PARD3B: variants seen among roughly 807,000 people sequenced by gnomAD.
PARD3B encodes the protein par-3 family cell polarity regulator beta, also known as partitioning defective 3 homolog B.
In PARD3B, 103 loss-of-function variants were observed where a neutral mutation model predicts 130.2. That is an observed-to-expected ratio of 0.79 (90% confidence interval 0.67 to 0.93). PARD3B has a LOEUF of 0.93. Among genes scored for constraint, PARD3B ranks in the 40% least tolerant of loss-of-function variants. The pLI, the probability that PARD3B is intolerant of heterozygous loss-of-function variation, is 0.00. For missense variants in PARD3B, 1,609 were observed against 1,499.2 expected (o/e 1.07, Z -1.21); for synonymous variants, 583 against 553.2 (o/e 1.05, Z -0.76).
At chr2:205,049,463 C>T (rs763189281) in intron 4 of PARD3B, among the ~76,000 whole-genome samples, 5 of 152,092 alleles carry the variant, frequency 3.3e-5, no homozygotes, top group Non-Finnish European at 5.9e-5. Flanking sequence ...CAGGGTACCT[C>T]CCCCAACATG....
At chr2:204,747,204 A>T (rs1321570298) in intron 2 of PARD3B, among the ~76,000 whole-genome samples, 2 of 152,158 alleles carry the variant, frequency 1.3e-5, no homozygotes, top group Admixed American at 6.5e-5. Context: ...ATGGCTGGCC[A>T]GTTTTCCCAG....
intron 1 of PARD3B, among the ~76,000 whole-genome samples, chr2:204,618,510 A>C (rs1468807803): frequency 6.6e-6 from 1 of 152,210 alleles, no homozygotes; most frequent in African/African-American, 2.4e-5. Flanking sequence ...ACATGTCCAC[A>C]ACTGCAACAG....
intron 1 of PARD3B, among the ~76,000 whole-genome samples, chr2:204,547,660 T>G (rs2125038483): frequency 6.6e-6 from 1 of 152,296 alleles, no homozygotes; most frequent in South Asian, 2.1e-4. Context: ...TTGAAATAGA[T>G]CTCATTGAGG....
At chr2:204,883,433 A>ATATATATATATAT (rs2046138404) in intron 2 of PARD3B, among the ~76,000 whole-genome samples, 2 of 105,756 alleles carry the variant, frequency 1.9e-5, no homozygotes, top group African/African-American at 8.6e-5. Context: ...TATATATATA[A>ATATATATATATAT]AATATATATA....
intron 19 of PARD3B, among the ~76,000 whole-genome samples, chr2:205,431,227 C>T (rs2047321133): frequency 6.6e-6 from 1 of 152,130 alleles, no homozygotes; most frequent in South Asian, 2.1e-4. Flanking sequence ...TAGGCATGTG[C>T]CACCACACCC....
In PARD3B at chr2:205,309,063, C is replaced by T. The variant is rs1386885494; in HGVS notation, c.2630+7362C>T. ...CTAAAGCCAAATCACTTTATGCCTGCTTTTGTTTTCTTTTTTGCAACTTAT... is the reference window on the plus strand; with the variant it reads ...CTAAAGCCAAATCACTTTATGCCTGTTTTTGTTTTCTTTTTTGCAACTTAT... On this transcript the variant is annotated intron_variant, in intron 18 of 22. Transcript: ENST00000406610. The surrounding 1 kb of genome is among the most constrained non-coding windows in gnomAD (Gnocchi z 4.7). Among the ~76,000 whole-genome samples the T allele has an allele frequency of 7.1e-6, 1 of 140,346 alleles. No individual in the cohort carries two copies. The highest frequency in any genetic ancestry group is 2.5e-5 in the African/African-American group (1 of 40,766). 92.1% of individuals were successfully genotyped at this position (140,346 alleles called of 152,430 possible).
chr2:205,606,636 A>G (rs2055009576), intron 22 of PARD3B, among the ~76,000 whole-genome samples: 1 of 152,056 alleles, frequency 6.6e-6, no homozygotes. Context: ...ATCAGGCTCC[A>G]GATACCCTCT....
intron 1 of PARD3B, among the ~76,000 whole-genome samples, chr2:204,578,416 G>A (rs1006740913): frequency 1.3e-5 from 2 of 152,144 alleles, no homozygotes; most frequent in Non-Finnish European, 2.9e-5. Flanking sequence ...TATGGAGTGT[G>A]TGTCTATGGG....
intron 2 of PARD3B, among the ~76,000 whole-genome samples, chr2:204,731,416 T>C (rs1039675258): frequency 6.6e-6 from 1 of 152,214 alleles, no homozygotes; most frequent in African/African-American, 2.4e-5. Context: ...TGGATTGCAT[T>C]TTATTAACAA....
chr2:205,295,308 AT>A (rs2041749595), intron 16 of PARD3B, among the ~76,000 whole-genome samples: 1 of 152,204 alleles, frequency 6.6e-6, no homozygotes, highest in Non-Finnish European at 1.5e-5. Flanking sequence ...GCAAGGCCAA[AT>A]TGATAATAAA....
At chr2:205,064,961 G>A (rs966968789) in intron 4 of PARD3B, among the ~76,000 whole-genome samples, 4 of 152,164 alleles carry the variant, frequency 2.6e-5, no homozygotes, top group African/African-American at 9.7e-5. Context: ...GCTAATTTGA[G>A]GGCTCCAACT....
intron 2 of PARD3B, among the ~76,000 whole-genome samples, chr2:204,744,608 G>C (rs773999305): frequency 6.6e-6 from 1 of 152,102 alleles, no homozygotes; most frequent in Non-Finnish European, 1.5e-5. Context: ...TCCAGGGCCA[G>C]TCAGATGAAA....
In PARD3B at chr2:205,309,421, G is replaced by A. The variant is rs1020108882; in HGVS notation, c.2630+7720G>A. ...GCAAAGGTATTTTTAACAATCTAGA[G>A]GCATCAACTTTTTGTTCCTAAGCCT... On this transcript the variant is annotated intron_variant, in intron 18 of 22. Coordinates refer to ENST00000406610, the MANE Select transcript of PARD3B (RefSeq NM_001302769.2). The surrounding 1 kb of genome is among the most constrained non-coding windows in gnomAD (Gnocchi z 4.7). Among the ~76,000 whole-genome samples the A allele has an allele frequency of 6.6e-6, 1 of 152,062 alleles. No individual in the cohort carries two copies. Among genetic ancestry groups the A allele is most frequent in the Non-Finnish European group, 1.5e-5 (1 of 68,028 alleles).
At chr2:205,108,299 C>A (rs72930560) in intron 5 of PARD3B, among the ~76,000 whole-genome samples, 1 of 152,084 alleles carries the variant, frequency 6.6e-6, no homozygotes. Context: ...TAAACCATAG[C>A]GTTTATCACA....
At chr2:205,449,942 T>TA (rs1252084448) in intron 20 of PARD3B, among the ~76,000 whole-genome samples, 1 of 152,216 alleles carries the variant, frequency 6.6e-6, no homozygotes, top group Non-Finnish European at 1.5e-5. Flanking sequence ...GGATATGTTG[T>TA]AAAAATCATG....
intron 22 of PARD3B, among the ~76,000 whole-genome samples, chr2:205,605,710 C>T (rs762327802): frequency 2.0e-5 from 3 of 152,152 alleles, no homozygotes; most frequent in Admixed American, 2.0e-4. Context: ...GTTGGAGGGT[C>T]TCACCCAGTC....
intron 2 of PARD3B, among the ~76,000 whole-genome samples, chr2:204,751,417 C>A (rs2040462500): frequency 6.6e-6 from 1 of 152,204 alleles, no homozygotes; most frequent in African/African-American, 2.4e-5. Context: ...GCAGGAGAAG[C>A]CCTTAAGCTT....
At chr2:204,723,793 A>G (rs570057164) in intron 2 of PARD3B, among the ~76,000 whole-genome samples, 1 of 152,290 alleles carries the variant, frequency 6.6e-6, no homozygotes, top group Admixed American at 6.5e-5. Context: ...ATGGCAATAA[A>G]TTGAAAATTG....
intron 4 of PARD3B, among the ~76,000 whole-genome samples, chr2:205,090,991 G>A (rs1386316677): frequency 1.3e-5 from 2 of 152,148 alleles, no homozygotes; most frequent in South Asian, 2.1e-4. Flanking sequence ...GAGTCTGAAT[G>A]GGATTCAAGG....
Sources: allele counts gnomAD v4.1 joint callset (sites outside exome capture counted in the v4.1 genomes callset), GRCh38; gene constraint gnomAD v4.1.1; non-coding constraint Gnocchi (gnomAD v3.1); transcripts MANE v1.5; gene names NCBI Gene and HGNC (gene_info 2026-07-23, HGNC 2026-07-21).